The following FAM193A variants were observed in gnomAD, a reference collection of about 807,000 sequenced individuals.
FAM193A encodes the protein protein FAM193A.
FAM193A carries 22 observed loss-of-function variants against 126.5 expected under a neutral mutation model. That is an observed-to-expected ratio of 0.17 (90% confidence interval 0.12 to 0.25). The LOEUF is 0.25. Among genes scored for constraint, FAM193A ranks in the 10% least tolerant of loss-of-function variants. The pLI is 1.00. For missense variants in FAM193A, 1,675 were observed against 1,672.8 expected (o/e 1.00, Z -0.02); for synonymous variants, 761 against 646.8 (o/e 1.18, Z -2.68).
rs139502025 is a variant in FAM193A, at chr4:2,677,509, G to A, written c.2331+5137G>A. ...TAATCCCAGCACTTTGGGAGGCTGA[G>A]GCGGGCGGATCACGAGGTCAGGAGA... On this transcript the variant is annotated intron_variant, in intron 13 of 20. Transcript: ENST00000637812. 4.3e-3 allele frequency among the ~76,000 whole-genome samples: 655 copies of A among 152,134 alleles called. 1 individual carries two copies. The highest frequency in any genetic ancestry group is 0.015 in the African/African-American group (628 of 41,486).
intron 19 of FAM193A, chr4:2,715,568 C>G: frequency 1.0e-6 from 1 of 957,398 alleles, no homozygotes; most frequent in Non-Finnish European, 1.3e-6. Context: ...AGGGCACATT[C>G]GAGGGACAGC....
Position 2,696,564 on chromosome 4 carries a change from G to A in FAM193A, c.3478G>A (p.Ala1160Thr), listed in dbSNP as rs764726582. 6.2e-7 allele frequency: 1 copy of A among 1,614,116 alleles called. No homozygotes were observed. Among genetic ancestry groups the A allele is most frequent in the Admixed American group, 1.7e-5 (1 of 60,012 alleles). Residue 1160 changes from alanine (A) to threonine (T), a missense_variant, in exon 18 of 21, where the codon GCG becomes ACG. Coordinates refer to ENST00000637812, the MANE Select transcript of FAM193A (RefSeq NM_001366318.2). ...ETKPVSSTRA[A>T]KRARHKQRKL... is the part of the protein sequence containing the mutation. ...CAAACCAGTGAGCAGCACGCGTGCA[G>A]CGAAGCGAGCAAGGCATAAGCAAAG...
Position 2,578,723 on chromosome 4 carries a change from A to G in FAM193A, c.256-17361A>G, listed in dbSNP as rs577271759. Among the ~76,000 whole-genome samples the G allele has an allele frequency of 5.9e-5, 9 of 152,222 alleles. No individual in the cohort carries two copies. In the Middle Eastern group the frequency reaches 0.01, roughly 173 times the overall value. ...TACTATAAACATTCGATGAACAAAT[A>G]TTTTGCTTCTTATAGATATTATCTA... On this transcript the variant is annotated intron_variant, in intron 1 of 20. Transcript: ENST00000637812.
At chr4:2,574,768 C>A (rs77586772) in intron 1 of FAM193A, among the ~76,000 whole-genome samples, 4,332 of 152,200 alleles carry the variant, frequency 0.028, 225 homozygotes, top group African/African-American at 0.099. Context: ...ATGAATTAAT[C>A]ATTTTAAATT....
chr4:2,724,449 T>G (rs1231098168), intron 20 of FAM193A, among the ~76,000 whole-genome samples: 1 of 152,238 alleles, frequency 6.6e-6, no homozygotes, highest in Non-Finnish European at 1.5e-5. Context: ...TAGAACTGTT[T>G]TCCTGCTTAT....
At chr4:2,661,639 G>T (rs147058475) in intron 10 of FAM193A, among the ~76,000 whole-genome samples, 4 of 152,158 alleles carry the variant, frequency 2.6e-5, no homozygotes, top group African/African-American at 9.7e-5. Flanking sequence ...TACTTGTAAT[G>T]TGTTGAAAAG....
chr4:2,545,234 C>G (rs1010789875), intron 1 of FAM193A, among the ~76,000 whole-genome samples: 9 of 152,234 alleles, frequency 5.9e-5, no homozygotes, highest in African/African-American at 2.2e-4. Flanking sequence ...CTCAGGTGAT[C>G]TGCCAGCCTC....
intron 2 of FAM193A, among the ~76,000 whole-genome samples, chr4:2,611,378 C>G (rs2108943297): frequency 6.6e-6 from 1 of 152,246 alleles, no homozygotes; most frequent in East Asian, 1.9e-4. Flanking sequence ...AAGCAGTTCT[C>G]TTGTCTCAGC....
chr4:2,616,708 C>T (rs1289418073), intron 2 of FAM193A, among the ~76,000 whole-genome samples: 1 of 151,860 alleles, frequency 6.6e-6, no homozygotes, highest in African/African-American at 2.4e-5. Flanking sequence ...CACAGGCACC[C>T]ACCACCACAC....
At chr4:2,577,411 G>GTTTTTTTTTTGTT (rs1739653098) in intron 1 of FAM193A, among the ~76,000 whole-genome samples, 2 of 101,858 alleles carry the variant, frequency 2.0e-5, no homozygotes, top group African/African-American at 3.5e-5. Context: ...AATTAAAGTG[G>GTTTTTTTTTTGTT]TTTTTTTTTT....
chr4:2,593,009 C>T (rs576320322), intron 1 of FAM193A, among the ~76,000 whole-genome samples: 2 of 152,198 alleles, frequency 1.3e-5, no homozygotes, highest in East Asian at 1.9e-4. Flanking sequence ...AGAGGAAAGG[C>T]GTTCTGATGC....
chr4:2,704,572 A>T (rs534641935), intron 19 of FAM193A, among the ~76,000 whole-genome samples: 175 of 152,254 alleles, frequency 1.1e-3, no homozygotes, highest in African/African-American at 4.2e-3. Flanking sequence ...CTGAAAAAAA[A>T]ATAAAATAAA....
chr4:2,704,043 G>A (rs1718034556), intron 19 of FAM193A, among the ~76,000 whole-genome samples: 3 of 150,368 alleles, frequency 2.0e-5, no homozygotes, highest in East Asian at 4.0e-4. Flanking sequence ...CGAGGGAGGC[G>A]GATCACGAGG....
At chr4:2,580,919 G>A (rs1320802997) in intron 1 of FAM193A, among the ~76,000 whole-genome samples, 1 of 152,190 alleles carries the variant, frequency 6.6e-6, no homozygotes, top group African/African-American at 2.4e-5. Flanking sequence ...CACAAGGTCA[G>A]GAGATCTAGA....
At position 2,647,577 on chromosome 4, in the gene FAM193A, A is replaced by G. The variant is rs1300292798; in HGVS notation, c.1311+745A>G. 2.0e-5 allele frequency among the ~76,000 whole-genome samples: 3 copies of G among 152,278 alleles called. No individual in the cohort carries two copies. In the East Asian group the frequency reaches 5.8e-4, roughly 29 times the overall value. The stretch of plus-strand genomic sequence containing the variant: ...GGTGGCAGGTGGCTCACCAGGTGGA[A>G]GACAGAAGAGGGAGGGCACCTGCTG... On this transcript the variant is annotated intron_variant, in intron 7 of 20. Transcript: ENST00000637812.
At chr4:2,726,691 G>T (rs1371850987) in intron 20 of FAM193A, among the ~76,000 whole-genome samples, 7 of 150,408 alleles carry the variant, frequency 4.7e-5, no homozygotes, top group African/African-American at 1.7e-4. Flanking sequence ...AATACTTTGG[G>T]AAGCCGAGGC....
chr4:2,659,489 C>T, intron 8 of FAM193A, 69 bp from the exon 9 acceptor site: 1 of 1,085,542 alleles, frequency 9.2e-7, no homozygotes, highest in Non-Finnish European at 1.4e-6. Context: ...AGCAGAATTA[C>T]TGAAAAATAA....
chr4:2,720,462 A>G (rs1220739016), intron 20 of FAM193A, among the ~76,000 whole-genome samples: 1 of 151,936 alleles, frequency 6.6e-6, no homozygotes. Context: ...GACCAGCCTG[A>G]GCAACATAGC....
At chr4:2,583,860 A>G (rs866698953) in intron 1 of FAM193A, among the ~76,000 whole-genome samples, 1 of 152,180 alleles carries the variant, frequency 6.6e-6, no homozygotes, top group Admixed American at 6.5e-5. Context: ...ATATGAAGTT[A>G]GTCTGGCTGT....
Sources: gnomAD v4.1 joint callset for allele counts (sites outside exome capture counted in the v4.1 genomes callset) on GRCh38, gnomAD v4.1.1 for gene constraint, MANE v1.5 for transcripts, NCBI Gene and HGNC (gene_info 2026-07-23, HGNC 2026-07-21) for gene names.